Variants in ZNF827 observed in about 807,000 individuals in gnomAD.
The protein encoded by ZNF827 is zinc finger protein 827.
ZNF827 carries 13 observed loss-of-function variants against 102.4 expected under a neutral mutation model. The observed-to-expected ratio is 0.13, with a 90% CI of 0.08 to 0.20. The LOEUF (loss-of-function observed/expected upper bound fraction) is 0.20. Among genes scored for constraint, ZNF827 ranks in the 10% least tolerant of loss-of-function variants. The pLI, the probability that ZNF827 is intolerant of heterozygous loss-of-function variation, is 1.00. For synonymous variants in ZNF827, 523 were observed against 536.2 expected (o/e 0.98, Z 0.34); for missense variants, 1,103 against 1,344.4 (o/e 0.82, Z 2.81).
chr4:145,795,989 C>T (rs1260011647), intron 8 of ZNF827, among the ~76,000 whole-genome samples: 1 of 152,192 alleles, frequency 6.6e-6, no homozygotes, highest in Non-Finnish European at 1.5e-5. Flanking sequence ...CGTGTCTCTA[C>T]AGTGAGATAG....
rs371802045 is a variant in ZNF827, at chr4:145,902,336, G to A, written c.923C>T (p.Ser308Leu). ...CGGTAGAGGGTCCTCAGGCAGCAGCGATGATTTCTCAGCCAGAAGACTGCC... is the reference window on the plus strand; with the variant it reads ...CGGTAGAGGGTCCTCAGGCAGCAGCAATGATTTCTCAGCCAGAAGACTGCC... ...AAGSLLAEKSSLLPEDPLPPP... is the reference protein window; with the variant it reads ...AAGSLLAEKSLLLPEDPLPPP... Residue 308 changes from serine to leucine, a missense_variant, in exon 2 of 15, where the codon TCG becomes TTG. Around this residue, in one of 5 missense-constraint regions of ZNF827, gnomAD observed 441 missense variants for 458.6 expected, o/e 0.96. Transcript: ENST00000508784. This position sits in a 1 kb window ranked among gnomAD's most constrained non-coding sequence, Gnocchi z 4.3. 9.3e-6 allele frequency: 15 copies of A among 1,605,440 alleles called. No individual in the cohort carries two copies. In the African/African-American group the frequency reaches 1.5e-4, roughly 16 times the overall value.
chr4:145,868,048 CA>C (rs1222958618), intron 5 of ZNF827, among the ~76,000 whole-genome samples: 1 of 152,192 alleles, frequency 6.6e-6, no homozygotes, highest in Non-Finnish European at 1.5e-5. Context: ...ACTGTTCTAT[CA>C]GTGATTAGAA....
intron 8 of ZNF827, among the ~76,000 whole-genome samples, chr4:145,810,867 C>T (rs1218790653): frequency 6.6e-6 from 1 of 152,048 alleles, no homozygotes; most frequent in Non-Finnish European, 1.5e-5. Context: ...TATTTTTGTC[C>T]ATATCCCTTA....
intron 4 of ZNF827, among the ~76,000 whole-genome samples, chr4:145,871,572 A>G: frequency 6.6e-6 from 1 of 152,216 alleles, no homozygotes; most frequent in East Asian, 1.9e-4. Context: ...GATTACACTG[A>G]TTGTGTCCAT....
At chr4:145,834,327 G>A (rs556101547) in intron 7 of ZNF827, among the ~76,000 whole-genome samples, 10 of 151,920 alleles carry the variant, frequency 6.6e-5, no homozygotes, top group African/African-American at 2.4e-4. Context: ...TTTCCCTCCC[G>A]CCTGTCCCCT....
intron 1 of ZNF827, among the ~76,000 whole-genome samples, chr4:145,905,414 C>T (rs543749240): frequency 6.6e-6 from 1 of 152,286 alleles, no homozygotes; most frequent in East Asian, 1.9e-4. Flanking sequence ...CAACTCCTTC[C>T]TGAGATTCTT....
At chr4:145,831,018 G>A (rs17020674) in intron 7 of ZNF827, 14 of 152,186 alleles carry the variant, frequency 9.2e-5, no homozygotes, top group African/African-American at 3.4e-4. Context: ...AATTGAAAAG[G>A]TAATCTATAA....
intron 4 of ZNF827, among the ~76,000 whole-genome samples, chr4:145,872,650 G>A (rs922686160): frequency 6.6e-6 from 1 of 152,094 alleles, no homozygotes; most frequent in Non-Finnish European, 1.5e-5. Context: ...GCTGAAGCAG[G>A]CAGATCACTT....
chr4:145,887,230 C>T (rs1286573383), intron 3 of ZNF827, among the ~76,000 whole-genome samples: 1 of 151,988 alleles, frequency 6.6e-6, no homozygotes, highest in Non-Finnish European at 1.5e-5. Context: ...TTAGGGGTGA[C>T]CTAAGCAGGA....
At chr4:145,889,582 C>T (rs889698343) in intron 3 of ZNF827, among the ~76,000 whole-genome samples, 24 of 142,116 alleles carry the variant, frequency 1.7e-4, no homozygotes, top group African/African-American at 6.1e-4. Flanking sequence ...GAGACGGAGT[C>T]TAGCTCTGTC....
At chr4:145,809,851 TA>T (rs1428653977) in intron 8 of ZNF827, among the ~76,000 whole-genome samples, 1 of 152,082 alleles carries the variant, frequency 6.6e-6, no homozygotes, top group Non-Finnish European at 1.5e-5. Flanking sequence ...AAATTATCCA[TA>T]AAAAACCTGG....
At chr4:145,789,341 A>G (rs1408828527) in intron 8 of ZNF827, among the ~76,000 whole-genome samples, 1 of 152,202 alleles carries the variant, frequency 6.6e-6, no homozygotes, top group Non-Finnish European at 1.5e-5. Context: ...AGTTTCATCC[A>G]ATTTTGGCAG....
intron 7 of ZNF827, among the ~76,000 whole-genome samples, chr4:145,830,133 C>T (rs1007068752): frequency 2.0e-5 from 3 of 152,148 alleles, no homozygotes; most frequent in Non-Finnish European, 2.9e-5. Flanking sequence ...ATACAGGTAA[C>T]TTGCATATGG....
Position 145,762,972 on chromosome 4 carries a change from C to A in ZNF827, c.*17+118G>T. 3 of 1,004,748 alleles carry A rather than the reference C, an allele frequency of 3.0e-6. No homozygotes were observed. The highest frequency in any genetic ancestry group is 2.9e-6 in the Non-Finnish European group (2 of 689,978). 62.2% of individuals were successfully genotyped at this position (1,004,748 alleles called of 1,614,324 possible). A position where few individuals can be genotyped will look rare whatever the true frequency, so the allele number is the denominator to read the frequency against. ...AGTGCACCGTGCACGGCCTCCTCAG[C>A]GCCAAGCTCGCCGTTAGCCTTTGAA... On this transcript the variant is annotated intron_variant, in intron 14 of 14. Transcript: ENST00000508784. The surrounding 1 kb of genome is among the most constrained non-coding windows in gnomAD (Gnocchi z 4.9).
chr4:145,920,789 T>C (rs1438770660), intron 1 of ZNF827, among the ~76,000 whole-genome samples: 2 of 152,224 alleles, frequency 1.3e-5, no homozygotes, highest in Non-Finnish European at 2.9e-5. Context: ...CATTCAACAA[T>C]ATTAATAGAA....
At chr4:145,917,700 CAAA>C (rs763617063) in intron 1 of ZNF827, among the ~76,000 whole-genome samples, 10 of 46,850 alleles carry the variant, frequency 2.1e-4, no homozygotes, top group Non-Finnish European at 3.2e-4. Context: ...GGTAGCTGGT[CAAA>C]AAAAAAAAAA....
At chr4:145,917,221 C>T (rs181011474) in intron 1 of ZNF827, among the ~76,000 whole-genome samples, 7 of 152,210 alleles carry the variant, frequency 4.6e-5, no homozygotes, top group African/African-American at 1.2e-4. Context: ...AAGAGCCCCA[C>T]TTCTTAGTAC....
chr4:145,887,973 A>T (rs968290935), intron 3 of ZNF827, among the ~76,000 whole-genome samples: 6 of 152,202 alleles, frequency 3.9e-5, no homozygotes, highest in African/African-American at 1.4e-4. Context: ...CAAGAACAGA[A>T]GCTCCGGAAG....
rs534353329 is a variant in ZNF827, at chr4:145,873,960, C to T, written c.1748-3482G>A. 2.6e-5 allele frequency among the ~76,000 whole-genome samples: 4 copies of T among 152,222 alleles called. No homozygotes were observed. In the East Asian group the frequency reaches 7.7e-4, roughly 29 times the overall value. ...ATGGTTAAGTATTTTTAAAATGCTT[C>T]CTTGCTGCATCTTTTATTTAAAAAC... On this transcript the variant is annotated intron_variant, in intron 4 of 14. Transcript: ENST00000508784.
Sources: gnomAD v4.1 joint callset for allele counts (sites outside exome capture counted in the v4.1 genomes callset) on GRCh38, gnomAD v4.1.1 for gene constraint, gnomAD v4.1.1 regional missense constraint, Gnocchi (gnomAD v3.1) non-coding constraint, MANE v1.5 for transcripts, NCBI Gene and HGNC (gene_info 2026-07-23, HGNC 2026-07-21) for gene names.